The following EYS variants were observed in gnomAD, a reference collection of about 807,000 sequenced individuals.
The protein encoded by EYS is protein eyes shut homolog.
Under a neutral mutation model 282.1 loss-of-function variants are expected in EYS, and 250 were observed. That is an observed-to-expected ratio of 0.89 (90% confidence interval 0.80 to 0.98). The LOEUF (loss-of-function observed/expected upper bound fraction) is 0.98. Among genes scored for constraint, EYS ranks in the 50% least tolerant of loss-of-function variants. The pLI, the probability that EYS is intolerant of heterozygous loss-of-function variation, is 0.00. For missense variants in EYS, 4,016 were observed against 3,709.0 expected, an observed-to-expected ratio of 1.08 and a Z score of -2.15; for synonymous variants, 1,355 against 1,282.9, an observed-to-expected ratio of 1.06 and a Z score of -1.20.
chr6:65,146,375 T>C (rs1404085186), intron 12 of EYS, among the ~76,000 whole-genome samples: 2 of 151,892 alleles, frequency 1.3e-5, no homozygotes, highest in East Asian at 3.9e-4. Flanking sequence ...TTCCTAATAG[T>C]TCTTAGGGCA....
intron 30 of EYS, among the ~76,000 whole-genome samples, chr6:64,278,717 ACTCTCT>A (rs113366162): frequency 7.0e-6 from 1 of 142,056 alleles, no homozygotes; most frequent in East Asian, 2.1e-4. Context: ...TCAGCCAAAA[ACTCTCT>A]CTCTCTCTCT....
chr6:64,439,708 G>T (rs1774871265), intron 26 of EYS, among the ~76,000 whole-genome samples: 2 of 151,676 alleles, frequency 1.3e-5, no homozygotes, highest in South Asian at 2.1e-4. Context: ...GATTAATATT[G>T]TTAATAATTT....
At chr6:65,310,292 C>T (rs865829297) in intron 11 of EYS, among the ~76,000 whole-genome samples, 22 of 152,050 alleles carry the variant, frequency 1.4e-4, no homozygotes, top group South Asian at 4.2e-4. Context: ...TGCAGTGAGC[C>T]GAGATCATGA....
At chr6:64,735,423 A>C (rs1772155290) in intron 22 of EYS, among the ~76,000 whole-genome samples, 1 of 152,038 alleles carries the variant, frequency 6.6e-6, no homozygotes, top group East Asian at 1.9e-4. Flanking sequence ...GCACTATCTT[A>C]TTTATTTAAA....
intron 30 of EYS, among the ~76,000 whole-genome samples, chr6:64,275,882 T>C (rs976589304): frequency 6.6e-6 from 1 of 151,874 alleles, no homozygotes; most frequent in Non-Finnish European, 1.5e-5. Flanking sequence ...GGAGAATTGC[T>C]TGACTCCAGG....
chr6:64,039,823 CCTTTT>C lies in EYS; in HGVS notation c.6725+26510_6725+26514del, dbSNP rs540260476. Among the ~76,000 whole-genome samples the C allele has an allele frequency of 1.2e-4, 18 of 152,000 alleles. No homozygotes were observed. In the South Asian group the frequency reaches 1.9e-3, roughly 16 times the overall value. ...ATTTTTAGAAAATTCTCATAATTTC[CCTTTT>C]CTTTTATTTGTACATATTTGATTAT... On this transcript the variant is annotated intron_variant, in intron 33 of 42. Transcript: ENST00000503581.
chr6:64,591,308 G>T lies in EYS; in HGVS notation c.4559C>A (p.Ala1520Asp), dbSNP rs751565795. The change falls in exon 26 of 43, where the codon GCC becomes GAC. Residue 1520 changes from alanine (A) to aspartate (D), a missense_variant. Coordinates refer to ENST00000503581, the MANE Select transcript of EYS (RefSeq NM_001142800.2). Reference protein sequence around the residue: ...SSALHRFSTKAFNPSEYQAIT... With the variant: ...SSALHRFSTKDFNPSEYQAIT... Reference sequence around the variant, plus strand: ...AGCCTGATATTCACTGGGATTGAAGGCTTTTGTACTGAACCGGTGCAGAGC... The same window carrying T: ...AGCCTGATATTCACTGGGATTGAAGTCTTTTGTACTGAACCGGTGCAGAGC... The T allele has an allele frequency of 1.3e-6, 2 of 1,551,352 alleles. No homozygotes were observed. Among genetic ancestry groups the T allele is most frequent in the South Asian group, 1.2e-5 (1 of 84,054 alleles).
chr6:65,598,103 A>AAAAAC (rs1165256704), intron 2 of EYS, among the ~76,000 whole-genome samples: 7 of 146,100 alleles, frequency 4.8e-5, no homozygotes, highest in East Asian at 2.1e-4. Context: ...TTGTCAAAAC[A>AAAAAC]AAAACAAAAC....
At chr6:64,673,521 C>A (rs1335768178) in intron 22 of EYS, among the ~76,000 whole-genome samples, 2 of 152,052 alleles carry the variant, frequency 1.3e-5, no homozygotes, top group Non-Finnish European at 2.9e-5. Flanking sequence ...AGCCACAGAA[C>A]TTTTAAAAGT....
chr6:65,210,243 C>T lies in EYS; in HGVS notation c.2023+85620G>A, dbSNP rs139588471. Among the ~76,000 whole-genome samples, 23 of 152,076 alleles carry T rather than the reference C, an allele frequency of 1.5e-4. No homozygotes were observed. The East Asian group carries it at 4.1e-3, about 27-fold the overall frequency. On this transcript the variant is annotated intron_variant, in intron 12 of 42. Coordinates refer to ENST00000503581, the MANE Select transcript of EYS (RefSeq NM_001142800.2). Reference sequence around the variant, plus strand: ...TGCGAATGCGTAATATGCTAAGTCTCATGAGTTTCACAGGCATAATGTTTC... The same window carrying T: ...TGCGAATGCGTAATATGCTAAGTCTTATGAGTTTCACAGGCATAATGTTTC...
chr6:65,470,094 C>G (rs1001059720), intron 5 of EYS, among the ~76,000 whole-genome samples: 8 of 152,072 alleles, frequency 5.3e-5, no homozygotes, highest in Non-Finnish European at 1.2e-4. Context: ...CTTTAAAGGA[C>G]CGATAGCAAG....
intron 24 of EYS, among the ~76,000 whole-genome samples, chr6:64,616,491 C>T (rs1767279211): frequency 6.6e-6 from 1 of 152,150 alleles, no homozygotes; most frequent in Admixed American, 6.6e-5. Context: ...CAGCATTGGA[C>T]TTAAGCCCAG....
In EYS at chr6:65,003,561, T is replaced by G. The variant is rs1771536699; in HGVS notation, c.2138-5858A>C. Among the ~76,000 whole-genome samples the G allele has an allele frequency of 1.4e-5, 2 of 147,168 alleles. 1 individual carries two copies. Among genetic ancestry groups the G allele is most frequent in the Admixed American group, 1.4e-4 (2 of 14,720 alleles). On this transcript the variant is annotated intron_variant, in intron 13 of 42. Transcript: ENST00000503581. ...CTGTGACCCACACCTATTCGCACAC[T>G]CCCTCCCCTTTTGAAACTCCCTAAT... is the stretch of plus-strand genomic sequence containing the variant.
chr6:65,404,666 A>G (rs1239535088), intron 6 of EYS, among the ~76,000 whole-genome samples: 2 of 151,996 alleles, frequency 1.3e-5, no homozygotes, highest in Non-Finnish European at 2.9e-5. Context: ...CTTCTCAGCA[A>G]AAGTTCAGCA....
chr6:64,757,723 T>G, intron 22 of EYS, among the ~76,000 whole-genome samples: 1 of 144,196 alleles, frequency 6.9e-6, no homozygotes, highest in Non-Finnish European at 1.5e-5. Flanking sequence ...TACAAAAGAT[T>G]AATTTTTTTT....
chr6:64,055,212 T>C (rs1562177112), intron 33 of EYS, among the ~76,000 whole-genome samples: 3 of 152,162 alleles, frequency 2.0e-5, no homozygotes, highest in Admixed American at 6.6e-5. Flanking sequence ...AACTGCCTAA[T>C]TATGAAGTGT....
chr6:65,155,281 G>A (rs1236559949), intron 12 of EYS, among the ~76,000 whole-genome samples: 1 of 151,446 alleles, frequency 6.6e-6, no homozygotes, highest in Non-Finnish European at 1.5e-5. Context: ...CTGACATGTA[G>A]GTGACTGATT....
chr6:63,845,722 C>T (rs1434569894), intron 36 of EYS, among the ~76,000 whole-genome samples: 1 of 152,036 alleles, frequency 6.6e-6, no homozygotes, highest in African/African-American at 2.4e-5. Context: ...CTTAATACAC[C>T]CATAAATTTG....
At chr6:65,218,949 C>CT (rs911985560) in intron 12 of EYS, among the ~76,000 whole-genome samples, 2 of 151,260 alleles carry the variant, frequency 1.3e-5, no homozygotes, top group Non-Finnish European at 2.9e-5. Flanking sequence ...ATCAAGATAA[C>CT]TTTTTTTTCC....
Sources: gnomAD v4.1 joint callset for allele counts (sites outside exome capture counted in the v4.1 genomes callset) on GRCh38, gnomAD v4.1.1 for gene constraint, MANE v1.5 for transcripts, NCBI Gene and HGNC (gene_info 2026-07-23, HGNC 2026-07-21) for gene names.